Variants in PEMT observed in about 807,000 individuals in gnomAD.
The protein encoded by PEMT is phosphatidylethanolamine N-methyltransferase.
In PEMT, 23 loss-of-function variants were observed where a neutral mutation model predicts 27.4. That is an observed-to-expected ratio of 0.84 (90% CI 0.60 to 1.19). The LOEUF is 1.19. Among genes scored for constraint, PEMT ranks in the 50% most tolerant of loss-of-function variants. The probability of loss-of-function intolerance (pLI) is 0.00; values close to 1 mark genes in which losing one functional copy is unlikely to be tolerated. For synonymous variants in PEMT, 137 were observed against 139.1 expected, an observed-to-expected ratio of 0.98 and a Z score of 0.11; for missense variants, 307 against 310.1, an observed-to-expected ratio of 0.99 and a Z score of 0.07.
Position 17,582,682 on chromosome 17 carries a change from T to A in PEMT, c.97-5655A>T, listed in dbSNP as rs1370587497. On this transcript the variant is annotated intron_variant, in intron 1 of 6. Coordinates refer to ENST00000255389, the MANE Select transcript of PEMT (RefSeq NM_148172.3). The surrounding 1 kb of genome is among the most constrained non-coding windows in gnomAD (Gnocchi z 4.9). ...CCCTGGCACCATAAGCTGACTCGGG[T>A]AACGTTTATTTAGGGCAACTTTGGG... Among the ~76,000 whole-genome samples, 2 of 152,124 alleles carry A rather than the reference T, an allele frequency of 1.3e-5. No individual in the cohort carries two copies. Among genetic ancestry groups the A allele is most frequent in the African/African-American group, 4.8e-5 (2 of 41,436 alleles).
chr17:17,522,421 CGAGA>C, intron 2 of PEMT, 26 bp from the exon 3 acceptor site: 1 of 1,450,690 alleles, frequency 6.9e-7, no homozygotes, highest in Non-Finnish European at 9.7e-7. Context: ...AGAACAAGAA[CGAGA>C]TATTTCCTGG....
At chr17:17,573,165 G>A (rs1911329113) in intron 2 of PEMT, among the ~76,000 whole-genome samples, 1 of 150,820 alleles carries the variant, frequency 6.6e-6, no homozygotes, top group Admixed American at 6.6e-5. Context: ...CTCCAGCCTG[G>A]GCAACAGAGC....
intron 2 of PEMT, among the ~76,000 whole-genome samples, chr17:17,560,323 C>CCAAGGGG (rs1187632183): frequency 6.6e-6 from 1 of 152,172 alleles, no homozygotes; most frequent in Admixed American, 6.5e-5. Context: ...GGAGCAGACA[C>CCAAGGGG]CAAGGGGCCG....
At chr17:17,571,714 T>TG (rs1342427604) in intron 2 of PEMT, among the ~76,000 whole-genome samples, 5 of 150,158 alleles carry the variant, frequency 3.3e-5, no homozygotes, top group African/African-American at 9.8e-5. Flanking sequence ...GTTTTGGGTT[T>TG]TTTTTTTTTT....
intron 2 of PEMT, among the ~76,000 whole-genome samples, chr17:17,568,631 A>G (rs535340102): frequency 6.6e-6 from 1 of 152,310 alleles, no homozygotes; most frequent in Admixed American, 6.5e-5. Flanking sequence ...CATAGCACCT[A>G]CAAGGTCGGC....
rs773175169 is a variant in PEMT, at chr17:17,512,601, G to A, written c.374C>T (p.Ala125Val). The change falls in exon 4 of 7, where the codon GCG becomes GTG. Residue 125 changes from alanine (A) to valine (V), a missense_variant. Coordinates refer to ENST00000255389, the MANE Select transcript of PEMT (RefSeq NM_148172.3). This position sits in a 1 kb window ranked among gnomAD's most constrained non-coding sequence, Gnocchi z 6.3. ...QPRMESLDTP[A>V]AYSLGLALLG... is the part of the protein sequence containing the mutation. ...GAGCGCGAGGCCCAGGCTGTAGGCC[G>A]CGGGGGTGTCCAGGCTCTCCATCCT... 2.1e-5 allele frequency: 33 copies of A among 1,600,998 alleles called. No homozygotes were observed. Among genetic ancestry groups the A allele is most frequent in the Middle Eastern group, 1.7e-4 (1 of 6,022 alleles).
At chr17:17,587,343 C>T (rs112077845) in intron 1 of PEMT, among the ~76,000 whole-genome samples, 1 of 152,098 alleles carries the variant, frequency 6.6e-6, no homozygotes, top group Non-Finnish European at 1.5e-5. Context: ...ATGAACCGAT[C>T]CTTGCAAGAC....
chr17:17,522,449 TG>T, intron 2 of PEMT, 54 bp from the exon 3 acceptor site: 2 of 762,256 alleles, frequency 2.6e-6, no homozygotes, highest in Non-Finnish European at 2.1e-6. Flanking sequence ...GACTCCAGGG[TG>T]GGGGTGGGGA....
intron 2 of PEMT, among the ~76,000 whole-genome samples, chr17:17,540,755 T>C (rs1192215919): frequency 6.6e-6 from 1 of 152,068 alleles, no homozygotes; most frequent in Non-Finnish European, 1.5e-5. Context: ...CTTCTCACCC[T>C]CTCCTGCAGT....
chr17:17,517,873 G>T (rs4646402), intron 3 of PEMT: 5 of 628,264 alleles, frequency 8.0e-6, no homozygotes, highest in South Asian at 1.4e-4. Flanking sequence ...TTGGTCGTAA[G>T]GCTTCTTCAG....
At chr17:17,550,334 C>T (rs1253990217) in intron 2 of PEMT, among the ~76,000 whole-genome samples, 11 of 152,282 alleles carry the variant, frequency 7.2e-5, no homozygotes, top group Admixed American at 1.3e-4. Context: ...TCTGTGCCAC[C>T]GATTAGGTCG....
chr17:17,514,786 G>C (rs1906695197), intron 3 of PEMT, among the ~76,000 whole-genome samples: 1 of 152,244 alleles, frequency 6.6e-6, no homozygotes, highest in African/African-American at 2.4e-5. Context: ...GGTGGAGTGG[G>C]AGGGAAAGGA....
chr17:17,552,802 C>A (rs1909752576), intron 2 of PEMT, among the ~76,000 whole-genome samples: 1 of 152,204 alleles, frequency 6.6e-6, no homozygotes, highest in African/African-American at 2.4e-5. Context: ...TTTCTGAGCT[C>A]CCCAGGGCAG....
Position 17,582,410 on chromosome 17 carries a change from G to A in PEMT, c.97-5383C>T, listed in dbSNP as rs1912025453. ...CTCCATTGAGGGGTGCAGGGTTCTC[G>A]GGAGCAGCGCTCTGTGGTCAGGGAA... On this transcript the variant is annotated intron_variant, in intron 1 of 6. Transcript: ENST00000255389. This position sits in a 1 kb window ranked among gnomAD's most constrained non-coding sequence, Gnocchi z 4.9. The A allele has an allele frequency of 2.0e-6, 2 of 985,478 alleles. No homozygotes were observed. The highest frequency in any genetic ancestry group is 2.4e-6 in the Non-Finnish European group (2 of 829,950). 61.0% of individuals were successfully genotyped at this position (985,478 alleles called of 1,614,324 possible).
intron 1 of PEMT, 31 bp downstream of exon 1, chr17:17,591,500 A>T: frequency 6.4e-7 from 1 of 1,551,832 alleles, no homozygotes; most frequent in Non-Finnish European, 8.8e-7. Context: ...TCCCTCTCCC[A>T]GTTTCCGCGG....
chr17:17,571,025 A>C, intron 2 of PEMT: 1 of 450,566 alleles, frequency 2.2e-6, no homozygotes, highest in Non-Finnish European at 2.9e-6. Flanking sequence ...CAAGGTCCTG[A>C]AGCCCTGAGG....
intron 2 of PEMT, among the ~76,000 whole-genome samples, chr17:17,559,436 T>A (rs1211880215): frequency 6.6e-6 from 1 of 152,166 alleles, no homozygotes; most frequent in Non-Finnish European, 1.5e-5. Context: ...TGCCTGCCCC[T>A]CAGAGGCCTG....
intron 2 of PEMT, among the ~76,000 whole-genome samples, chr17:17,547,270 CCA>C (rs1909323376): frequency 1.3e-5 from 2 of 152,262 alleles, no homozygotes; most frequent in South Asian, 4.1e-4. Flanking sequence ...CGACCCCTCT[CCA>C]CACACAGATC....
chr17:17,579,039 T>C (rs1219879098), intron 1 of PEMT, among the ~76,000 whole-genome samples: 3 of 152,206 alleles, frequency 2.0e-5, no homozygotes, highest in East Asian at 1.9e-4. Context: ...CATTTGGAAA[T>C]ACAGTAAATT....
Sources: gnomAD v4.1 joint callset for allele counts (sites outside exome capture counted in the v4.1 genomes callset) on GRCh38, gnomAD v4.1.1 for gene constraint, Gnocchi (gnomAD v3.1) non-coding constraint, MANE v1.5 for transcripts, NCBI Gene and HGNC (gene_info 2026-07-23, HGNC 2026-07-21) for gene names.